Variants in KHDRBS2 observed in about 807,000 individuals in gnomAD.
The protein encoded by KHDRBS2 is KH RNA binding domain containing, signal transduction associated 2, also known as KH domain-containing, RNA-binding, signal transduction-associated protein 2.
In KHDRBS2, 26 loss-of-function variants were observed where a neutral mutation model predicts 44.3. The ratio of observed to expected loss-of-function variants is 0.59; its 90% CI spans 0.43 to 0.81. The LOEUF (loss-of-function observed/expected upper bound fraction) is 0.81, where lower values mean the gene tolerates loss of function less well. KHDRBS2 is among the 40% of genes least tolerant of loss of function. The pLI is 0.00. For synonymous variants in KHDRBS2, 194 were observed against 151.1 expected (o/e 1.28, Z -2.08); for missense variants, 476 against 433.1 (o/e 1.10, Z -0.88).
intron 1 of KHDRBS2, among the ~76,000 whole-genome samples, chr6:62,209,610 G>A (rs1027311758): frequency 6.6e-6 from 1 of 152,150 alleles, no homozygotes; most frequent in Non-Finnish European, 1.5e-5. Context: ...GCAAAGTATC[G>A]TTCCTGGGTG....
At chr6:62,041,719 TACA>T (rs1159430262) in intron 3 of KHDRBS2, among the ~76,000 whole-genome samples, 5 of 152,104 alleles carry the variant, frequency 3.3e-5, no homozygotes, top group Non-Finnish European at 7.4e-5. Flanking sequence ...AGGTCTTAAT[TACA>T]AAAATTAAAA....
intron 2 of KHDRBS2, among the ~76,000 whole-genome samples, chr6:62,079,519 C>G (rs76127459): frequency 0.049 from 7,473 of 152,076 alleles, 281 homozygotes; most frequent in Non-Finnish European, 0.072. Context: ...TAGAAAAACA[C>G]TATACAATAT....
intron 4 of KHDRBS2, among the ~76,000 whole-genome samples, chr6:61,951,795 C>T (rs2127383868): frequency 6.6e-6 from 1 of 152,176 alleles, no homozygotes; most frequent in Non-Finnish European, 1.5e-5. Context: ...CCTCAAGTGA[C>T]ATCAGTGTCT....
At chr6:62,001,959 A>G (rs575538621) in intron 3 of KHDRBS2, among the ~76,000 whole-genome samples, 16 of 152,276 alleles carry the variant, frequency 1.1e-4, no homozygotes, top group Admixed American at 5.2e-4. Context: ...GTGAACTTGC[A>G]AAGTAGATCA....
At chr6:62,112,823 C>T (rs1323378104) in intron 2 of KHDRBS2, among the ~76,000 whole-genome samples, 1 of 152,000 alleles carries the variant, frequency 6.6e-6, no homozygotes, top group Non-Finnish European at 1.5e-5. Flanking sequence ...AATAACAGAG[C>T]AATTGGTGCA....
intron 2 of KHDRBS2, among the ~76,000 whole-genome samples, chr6:62,130,283 G>C (rs1490093547): frequency 6.6e-6 from 1 of 152,170 alleles, no homozygotes; most frequent in East Asian, 1.9e-4. Flanking sequence ...TGGGGACCAA[G>C]TGATAGTTTG....
At chr6:62,060,629 C>G (rs573924128) in intron 2 of KHDRBS2, among the ~76,000 whole-genome samples, 2 of 148,586 alleles carry the variant, frequency 1.3e-5, no homozygotes, top group Admixed American at 6.8e-5. Flanking sequence ...CTCTCTCTCT[C>G]TCTCTATATA....
intron 2 of KHDRBS2, among the ~76,000 whole-genome samples, chr6:62,077,863 G>A (rs937190179): frequency 2.1e-4 from 32 of 152,106 alleles, no homozygotes; most frequent in African/African-American, 7.7e-4. Context: ...ATGAGACTGA[G>A]GAGCAAATAA....
At chr6:61,836,437 G>A (rs1792682024) in intron 6 of KHDRBS2, among the ~76,000 whole-genome samples, 1 of 152,008 alleles carries the variant, frequency 6.6e-6, no homozygotes, top group Non-Finnish European at 1.5e-5. Flanking sequence ...GGAAGATCAG[G>A]CAGGCTGCCT....
At chr6:62,013,470 C>A (rs1780659868) in intron 3 of KHDRBS2, among the ~76,000 whole-genome samples, 1 of 142,390 alleles carries the variant, frequency 7.0e-6, no homozygotes, top group African/African-American at 2.6e-5. Context: ...TGGCCTCTTT[C>A]ATTTAAAATA....
intron 1 of KHDRBS2, among the ~76,000 whole-genome samples, chr6:62,266,629 C>G (rs1166187645): frequency 6.6e-6 from 1 of 151,908 alleles, no homozygotes; most frequent in African/African-American, 2.4e-5. Context: ...TGATTTGTCT[C>G]AAAGTCTACT....
At chr6:62,018,641 G>T (rs993080355) in intron 3 of KHDRBS2, among the ~76,000 whole-genome samples, 1 of 152,000 alleles carries the variant, frequency 6.6e-6, no homozygotes, top group Non-Finnish European at 1.5e-5. Context: ...CACCGCGCCC[G>T]GCCCAATATT....
intron 6 of KHDRBS2, among the ~76,000 whole-genome samples, chr6:61,775,059 G>T (rs1290274608): frequency 6.6e-6 from 1 of 152,080 alleles, no homozygotes; most frequent in Admixed American, 6.6e-5. Context: ...TATCTCAAGA[G>T]ATGCAGAAAA....
At chr6:61,810,393 G>A (rs1395677398) in intron 6 of KHDRBS2, among the ~76,000 whole-genome samples, 1 of 152,084 alleles carries the variant, frequency 6.6e-6, no homozygotes, top group African/African-American at 2.4e-5. Flanking sequence ...GGGCCTTGTT[G>A]TATGTATATA....
chr6:61,893,042 C>A lies in KHDRBS2; in HGVS notation c.810+1593G>T, dbSNP rs566663603. Among the ~76,000 whole-genome samples, 45 of 151,938 alleles carry A rather than the reference C, an allele frequency of 3.0e-4. No individual in the cohort carries two copies. The East Asian group carries it at 5.9e-3, about 20-fold the overall frequency. ...AATATCCAGAATCTACAATGAACTC[C>A]AACAAATTTACAAGAAAAAAACAAC... is the stretch of plus-strand genomic sequence containing the variant. On this transcript the variant is annotated intron_variant, in intron 6 of 8. Transcript: ENST00000281156.
intron 6 of KHDRBS2, among the ~76,000 whole-genome samples, chr6:61,776,079 G>A (rs56660334): frequency 6.6e-6 from 1 of 151,094 alleles, no homozygotes; most frequent in Non-Finnish European, 1.5e-5. Flanking sequence ...GGGAAAACTG[G>A]CTAGCCATAT....
chr6:62,045,004 T>A (rs901891726), intron 3 of KHDRBS2, among the ~76,000 whole-genome samples: 1 of 152,072 alleles, frequency 6.6e-6, no homozygotes, highest in Non-Finnish European at 1.5e-5. Flanking sequence ...AAATTTAGCA[T>A]CTAGCACTTA....
the KHDRBS2 span, among the ~76,000 whole-genome samples, chr6:61,625,286 C>G: frequency 2.0e-5 from 3 of 150,890 alleles, no homozygotes; most frequent in African/African-American, 7.3e-5. Flanking sequence ...GTCTTCCTAA[C>G]TTTCCTCTTT....
intron 1 of KHDRBS2, among the ~76,000 whole-genome samples, chr6:62,254,247 C>T (rs923174885): frequency 2.0e-5 from 3 of 151,948 alleles, no homozygotes. Context: ...TTACTATGCT[C>T]AAGATAAAGG....
Sources: gnomAD v4.1 joint callset for allele counts (sites outside exome capture counted in the v4.1 genomes callset) on GRCh38, gnomAD v4.1.1 for gene constraint, MANE v1.5 for transcripts, NCBI Gene and HGNC (gene_info 2026-07-23, HGNC 2026-07-21) for gene names.